Variants in MCM7 observed in about 807,000 individuals in gnomAD.
MCM7 encodes the protein minichromosome maintenance complex component 7.
In MCM7, 95 loss-of-function variants were observed where a neutral mutation model predicts 83.5. The observed-to-expected ratio is 1.14, with a 90% CI of 0.96 to 1.35. The LOEUF (loss-of-function observed/expected upper bound fraction) is 1.35. MCM7 is among the 40% of genes most tolerant of loss of function. The pLI, the probability that MCM7 is intolerant of heterozygous loss-of-function variation, is 0.00. For synonymous variants in MCM7, 461 were observed against 352.7 expected (o/e 1.31, Z -3.44); for missense variants, 1,087 against 957.4 (o/e 1.14, Z -1.79).
chr7:100,095,582 CT>C (rs1795584321), intron 11 of MCM7, 112 bp from the exon 12 acceptor site: 3 of 1,313,308 alleles, frequency 2.3e-6, no homozygotes, highest in Non-Finnish European at 3.2e-6. Flanking sequence ...GAGGGACAAG[CT>C]TTCCCGGGAA....
At chr7:100,099,249 C>T (rs1487639426) in intron 4 of MCM7, 30 bp downstream of exon 4, 3 of 1,614,070 alleles carry the variant, frequency 1.9e-6, no homozygotes, top group South Asian at 2.2e-5. Context: ...AGAACCAATC[C>T]CTACATCTTT....
At position 100,094,275 on chromosome 7, in the gene MCM7, T is replaced by C; in HGVS notation, c.1746A>G (p.Thr582=). The C allele has an allele frequency of 6.2e-7, 1 of 1,614,186 alleles. No individual in the cohort carries two copies. Among genetic ancestry groups the C allele is most frequent in the South Asian group, 1.1e-5 (1 of 91,084 alleles). The part of the protein sequence containing the change: ...MVPESLADYI[T]AAYVEMRREA... The stretch of plus-strand genomic sequence containing the variant: ...CTCGCCTCATCTCCACGTATGCTGC[T>C]GTGATGTAGTCAGCCAGAGACTCTG... The change falls in exon 13 of 15, where the codon ACA becomes ACG. Residue 582 remains threonine, a synonymous_variant. Coordinates refer to ENST00000303887, the MANE Select transcript of MCM7 (RefSeq NM_005916.5).
In MCM7 at chr7:100,099,155, C is replaced by T; in HGVS notation, c.450G>A (p.Arg150=). 2 of 1,614,126 alleles carry T rather than the reference C, an allele frequency of 1.2e-6. No individual in the cohort carries two copies. The highest frequency in any genetic ancestry group is 1.7e-6 in the Non-Finnish European group (2 of 1,180,036). ...GPSSNKPRVI[R]EVRADSVGKL... Reference sequence around the variant, plus strand: ...TCCCCACAGAGTCAGCCCGCACTTCCCGGATCACACGAGGCTTGTTGCTGC... The same window carrying T: ...TCCCCACAGAGTCAGCCCGCACTTCTCGGATCACACGAGGCTTGTTGCTGC... The change falls in exon 5 of 15, where the codon CGG becomes CGA. Residue 150 remains arginine, a synonymous_variant. Transcript: ENST00000303887.
rs746603891 is a variant in MCM7 at position 100,096,142 on chromosome 7, G to T, written c.1227C>A (p.Ser409=). 1.2e-6 allele frequency: 2 copies of T among 1,610,512 alleles called. No homozygotes were observed. Among genetic ancestry groups the T allele is most frequent in the Admixed American group, 1.7e-5 (1 of 59,790 alleles). ...CAGCTGCCGTAAGCCCCACTCCTGA[G>T]GAGCCCCGGCCTGTTGTGTACTGGC... ...PRSQYTTGRG[S]SGVGLTAAVL... The change falls in exon 11 of 15, where the codon TCC becomes TCA. Residue 409 remains serine, a synonymous_variant. Transcript: ENST00000303887.
intron 1 of MCM7, chr7:100,100,626 C>G: frequency 2.0e-6 from 2 of 991,896 alleles, no homozygotes; most frequent in Non-Finnish European, 2.4e-6. Context: ...CCATCACACC[C>G]AGAGACACCG....
chr7:100,095,750 C>A (rs1795595282), intron 11 of MCM7, 24 bp downstream of exon 11: 2 of 1,547,836 alleles, frequency 1.3e-6, no homozygotes, highest in Non-Finnish European at 1.7e-6. Context: ...GGGGACCTCT[C>A]TTTGGGTGTT....
intron 13 of MCM7, 196 bp downstream of exon 13, chr7:100,093,977 C>T (rs750843162): frequency 1.7e-5 from 13 of 780,232 alleles, no homozygotes; most frequent in African/African-American, 5.1e-5. Context: ...TTTCCCTCCA[C>T]GGACGCTGTG....
intron 1 of MCM7, chr7:100,100,991 C>T (rs1795985060): frequency 3.4e-6 from 3 of 885,108 alleles, no homozygotes; most frequent in Admixed American, 3.2e-5. Context: ...CCCTGTGCAG[C>T]CCCCAGCCGG....
rs1795745114 is a variant in MCM7 at position 100,098,147 on chromosome 7, C to A, written c.864G>T (p.Val288=). 1.9e-6 allele frequency: 3 copies of A among 1,613,966 alleles called. No homozygotes were observed. Among genetic ancestry groups the A allele is most frequent in the Non-Finnish European group, 1.7e-6 (2 of 1,179,956 alleles). ...ATGTCAAACTCTTCCTTACCTGTACCACCTGTCGGAACCCAGTGCGCAGGA... is the reference window on the plus strand; with the variant it reads ...ATGTCAAACTCTTCCTTACCTGTACAACCTGTCGGAACCCAGTGCGCAGGA... ...LPILRTGFRQ[V]VQGLLSETYL... is the part of the protein sequence containing the mutation. Residue 288 remains valine, a synonymous_variant, in exon 7 of 15, where the codon GTG becomes GTT. Coordinates refer to ENST00000303887, the MANE Select transcript of MCM7 (RefSeq NM_005916.5).
rs1795720713 is a variant in MCM7 at position 100,097,788 on chromosome 7, G to A, written c.986-43C>T. The A allele has an allele frequency of 3.1e-6, 5 of 1,614,018 alleles. No individual in the cohort carries two copies. In the East Asian group the frequency reaches 6.7e-5, roughly 22 times the overall value. On this transcript the variant is annotated intron_variant, in intron 8 of 14. Coordinates refer to ENST00000303887, the MANE Select transcript of MCM7 (RefSeq NM_005916.5). ...TTGTTTTATTTTCTGGGGGAAAAGG[G>A]AGCTAGGATGTAAACGGAATTTCCT...
rs530500967 is a variant in MCM7 at position 100,095,589 on chromosome 7, G to A, written c.1596-119C>T. 4.2e-5 allele frequency: 55 copies of A among 1,299,684 alleles called. 1 individual carries two copies. Among genetic ancestry groups the A allele is most frequent in the Admixed American group, 6.7e-5 (3 of 44,510 alleles). The allele number at this position is 1,299,684 out of a possible 1,614,324, so 80.5% of individuals were successfully genotyped here. On this transcript the variant is annotated intron_variant, in intron 11 of 14. Coordinates refer to ENST00000303887, the MANE Select transcript of MCM7 (RefSeq NM_005916.5). Reference sequence around the variant, plus strand: ...CAGTGTAGGAGGGACAAGCTTTCCCGGGAAATCCTCATCAGCATTTCAGCC... The same window carrying A: ...CAGTGTAGGAGGGACAAGCTTTCCCAGGAAATCCTCATCAGCATTTCAGCC...
In MCM7 at chr7:100,098,589, T is replaced by C. The variant is rs1179652557; in HGVS notation, c.709A>G (p.Met237Val). 6.2e-7 allele frequency: 1 copy of C among 1,614,218 alleles called. No individual in the cohort carries two copies. The highest frequency in any genetic ancestry group is 1.7e-5 in the Admixed American group (1 of 60,016). ...TACCCCAAACTCACATGTTCTTGCA[T>C]CTTCATCTCCTGGAATTTGATGAAT... ...SRFIKFQEMK[M>V]QEHSDQVPVG... Residue 237 changes from methionine to valine, a missense_variant, in exon 6 of 15, where the codon ATG becomes GTG. Coordinates refer to ENST00000303887, the MANE Select transcript of MCM7 (RefSeq NM_005916.5).
Position 100,093,096 on chromosome 7 carries a change from G to A in MCM7, c.1996C>T (p.Arg666Cys), listed in dbSNP as rs772029319. The change falls in exon 15 of 15, where the codon CGT becomes TGT. Residue 666 changes from arginine (R) to cysteine (C), a missense_variant. By Grantham distance (180) the Arg-to-Cys change is radical. Transcript: ENST00000303887. ...CTTCGGCCCCCTGAGACCAGTTCAC[G>A]GACGGTGGCAAATATCACATCTGCT... ...RPADVIFATV[R>C]ELVSGGRSVR... 29 of 1,614,030 alleles carry A rather than the reference G, an allele frequency of 1.8e-5. No individual in the cohort carries two copies. Among genetic ancestry groups the A allele is most frequent in the East Asian group, 2.2e-5 (1 of 44,894 alleles).
intron 13 of MCM7, chr7:100,093,643 C>T (rs372904641): frequency 1.3e-6 from 1 of 744,124 alleles, no homozygotes; most frequent in African/African-American, 1.7e-5. Context: ...CAACACTGGC[C>T]AGTCCCGGAG....
Position 100,094,039 on chromosome 7 carries a change from C to A in MCM7, c.1848+134G>T, listed in dbSNP as rs767109660. 5 of 1,108,574 alleles carry A rather than the reference C, an allele frequency of 4.5e-6. No homozygotes were observed. In the African/African-American group the frequency reaches 7.7e-5, roughly 17 times the overall value. The allele number at this position is 1,108,574 out of a possible 1,614,324, so 68.7% of individuals were successfully genotyped here. ...CACAGTGCGGTAGCACGGAGAGGAC[C>A]ACTATCTGCACTGTCAGCACTTTAG... On this transcript the variant is annotated intron_variant, in intron 13 of 14. Coordinates refer to ENST00000303887, the MANE Select transcript of MCM7 (RefSeq NM_005916.5).
chr7:100,099,957 G>C, intron 2 of MCM7, 57 bp downstream of exon 2: 1 of 1,516,334 alleles, frequency 6.6e-7, no homozygotes, highest in South Asian at 1.1e-5. Context: ...CCAAGCTGCT[G>C]CTTATGGCTC....
Position 100,097,346 on chromosome 7 carries a change from C to A in MCM7, c.1156G>T (p.Ala386Ser). 3.1e-6 allele frequency: 5 copies of A among 1,614,172 alleles called. No homozygotes were observed. Among genetic ancestry groups the A allele is most frequent in the Non-Finnish European group, 4.2e-6 (5 of 1,180,020 alleles). The change falls in exon 10 of 15, where the codon GCC becomes TCC. Residue 386 changes from alanine (A) to serine (S), a missense_variant. By Grantham distance (99) the Ala-to-Ser change is moderately conservative. Transcript: ENST00000303887. ...NICLMGDPGV[A>S]KSQLLSYIDR... ...ATGTATGACAGGAGCTGAGACTTGG[C>A]CACACCAGGATCCCCCATCAGACAG...
In MCM7 at chr7:100,099,088, C is replaced by T. The variant is rs769527590; in HGVS notation, c.517G>A (p.Val173Ile). ...VRGIVTRVSE[V>I]KPKMVVATYT... ...GTGGCCACCACCATCTTGGGTTTGA[C>T]TTCAGAGACACGAGTGACGATTCCA... The change falls in exon 5 of 15, where the codon GTC becomes ATC. Residue 173 changes from valine (V) to isoleucine (I), a missense_variant. Physicochemically the swap from Val to Ile is conservative, Grantham distance 29 (BLOSUM62 3). Coordinates refer to ENST00000303887, the MANE Select transcript of MCM7 (RefSeq NM_005916.5). 8 of 1,614,084 alleles carry T rather than the reference C, an allele frequency of 5.0e-6. No individual in the cohort carries two copies. Among genetic ancestry groups the T allele is most frequent in the Non-Finnish European group, 6.8e-6 (8 of 1,180,058 alleles).
At chr7:100,098,999 T>C in intron 5 of MCM7, 24 bp downstream of exon 5, 1 of 1,613,160 alleles carries the variant, frequency 6.2e-7, no homozygotes, top group Non-Finnish European at 8.5e-7. Context: ...GTAAGTGCTT[T>C]CCTGCTTCTT....
Sources: gnomAD v4.1 joint callset for allele counts on GRCh38, gnomAD v4.1.1 for gene constraint, MANE v1.5 for transcripts, NCBI Gene and HGNC (gene_info 2026-07-23, HGNC 2026-07-21) for gene names.